SPNS3: variants seen among roughly 807,000 people sequenced by gnomAD.
SPNS3 encodes protein spinster homolog 3.
SPNS3 carries 51 observed loss-of-function variants against 54.4 expected under a neutral mutation model. The observed-to-expected ratio is 0.94, with a 90% CI of 0.75 to 1.18. The LOEUF (loss-of-function observed/expected upper bound fraction) is 1.18. Among genes scored for constraint, SPNS3 ranks in the 50% most tolerant of loss-of-function variants. The probability of loss-of-function intolerance (pLI) is 0.00; values close to 1 mark genes in which losing one functional copy is unlikely to be tolerated. For missense variants in SPNS3, 669 were observed against 677.4 expected (o/e 0.99, Z 0.14); for synonymous variants, 309 against 294.7 (o/e 1.05, Z -0.50).
intron 8 of SPNS3, among the ~76,000 whole-genome samples, chr17:4,477,853 C>G (rs1358477079): frequency 6.6e-6 from 1 of 151,956 alleles, no homozygotes; most frequent in African/African-American, 2.4e-5. Flanking sequence ...CTGGCTGGCA[C>G]ACGGTAGGTG....
At chr17:4,463,613 C>T (rs547238249) in intron 8 of SPNS3, among the ~76,000 whole-genome samples, 31 of 151,630 alleles carry the variant, frequency 2.0e-4, no homozygotes, top group Admixed American at 1.9e-3. Flanking sequence ...GCGGCATGCG[C>T]CTTTAATCCC....
intron 7 of SPNS3, 129 bp from the exon 8 acceptor site, chr17:4,452,887 G>A (rs888809288): frequency 1.2e-6 from 1 of 868,618 alleles, no homozygotes; most frequent in African/African-American, 1.7e-5. Context: ...GGGGCCCACA[G>A]CCATATTCCC....
chr17:4,450,245 C>T (rs1380290542), intron 7 of SPNS3, among the ~76,000 whole-genome samples: 1 of 151,490 alleles, frequency 6.6e-6, no homozygotes, highest in Non-Finnish European at 1.5e-5. Context: ...TTCTCCTTCC[C>T]TCCTCCTCCT....
chr17:4,439,597 C>A, intron 1 of SPNS3, 61 bp from the exon 2 acceptor site: 1 of 1,534,398 alleles, frequency 6.5e-7, no homozygotes. Context: ...CCTGGAGCAG[C>A]TGCCTTTAGA....
intron 1 of SPNS3, among the ~76,000 whole-genome samples, chr17:4,438,652 C>T (rs1008599380): frequency 2.6e-5 from 4 of 152,224 alleles, no homozygotes; most frequent in African/African-American, 7.2e-5. Context: ...AGCCAGGACA[C>T]GTTCGTCTTT....
intron 8 of SPNS3, among the ~76,000 whole-genome samples, chr17:4,458,637 CTTTCTT>C (rs1971408898): frequency 8.2e-6 from 1 of 122,430 alleles, no homozygotes; most frequent in African/African-American, 3.0e-5. Context: ...TTCTTTCTTT[CTTTCTT>C]TCTTTCCTTC....
intron 2 of SPNS3, among the ~76,000 whole-genome samples, chr17:4,443,826 C>A (rs7215742): frequency 0.11 from 16,255 of 152,314 alleles, 1,024 homozygotes; most frequent in African/African-American, 0.18. Context: ...GTGGGCCGGG[C>A]ACAGTGGCCC....
Position 4,486,412 on chromosome 17 carries a change from A to C in SPNS3, c.1279A>C (p.Ile427Leu), listed in dbSNP as rs1227478370. ...CAGACTCATCCCTTCTCCTCCGCAG[A>C]TCTCTAGTGTCCTGCGGGCCAGGCG... ...DAGSPYLTGL[I>L]SSVLRARRPD... is the part of the protein sequence containing the mutation. Residue 427 changes from isoleucine (I) to leucine (L), a missense_variant and splice_region_variant, in exon 11 of 12, where the codon ATC becomes CTC. Transcript: ENST00000355530. This position sits in a 1 kb window ranked among gnomAD's most constrained non-coding sequence, Gnocchi z 5.5. 2 of 1,603,210 alleles carry C rather than the reference A, an allele frequency of 1.2e-6. No homozygotes were observed. The highest frequency in any genetic ancestry group is 1.7e-5 in the Admixed American group (1 of 58,710).
intron 5 of SPNS3, among the ~76,000 whole-genome samples, chr17:4,447,225 A>G (rs1971022100): frequency 6.6e-6 from 1 of 152,160 alleles, no homozygotes; most frequent in African/African-American, 2.4e-5. Context: ...TCAGAGCCTC[A>G]GTTTGCCTGT....
intron 8 of SPNS3, among the ~76,000 whole-genome samples, chr17:4,472,378 G>A (rs1971877640): frequency 6.6e-6 from 1 of 152,178 alleles, no homozygotes; most frequent in South Asian, 2.1e-4. Context: ...GATGCAGTTT[G>A]AGTTGAGCTT....
At chr17:4,434,231 T>A (rs1350878148) in intron 1 of SPNS3, 65 bp downstream of exon 1, 4 of 1,458,016 alleles carry the variant, frequency 2.7e-6, no homozygotes, top group African/African-American at 1.4e-5. Flanking sequence ...GGGCTGCAGA[T>A]CCATGGTGGC....
chr17:4,445,131 C>T lies in SPNS3; in HGVS notation c.365C>T (p.Ser122Leu), dbSNP rs1970949459. Residue 122 changes from serine to leucine, a missense_variant, in exon 3 of 12, where the codon TCA becomes TTA. Physicochemically the swap from Ser to Leu is moderately radical, Grantham distance 145. Transcript: ENST00000355530. The stretch of plus-strand genomic sequence containing the variant: ...ATGAGCTTCGGTATCTTGCTGTGGT[C>T]AGGAGCTGGCCTCTCTAGCTCCTTC... ...ATMSFGILLW[S>L]GAGLSSSFIS... 1 of 1,614,120 alleles carries T rather than the reference C, an allele frequency of 6.2e-7. No individual in the cohort carries two copies. The highest frequency in any genetic ancestry group is 8.5e-7 in the Non-Finnish European group (1 of 1,179,968).
chr17:4,477,970 CTTTTTT>C lies in SPNS3; in HGVS notation c.1114-588_1114-583del, dbSNP rs397837193. 0.051 allele frequency among the ~76,000 whole-genome samples: 5,000 copies of C among 97,666 alleles called. 738 individuals are homozygous for C. The East Asian group carries it at 0.59, about 12-fold the overall frequency. The allele number at this position is 97,666 out of a possible 152,430, so 64.1% of individuals were successfully genotyped here. On this transcript the variant is annotated intron_variant, in intron 8 of 11. Coordinates refer to ENST00000355530, the MANE Select transcript of SPNS3 (RefSeq NM_182538.5). ...AAAGTCTGTTTTTTTTTCACTTTTC[CTTTTTT>C]TTTTTTTTTTTTTGAGGCGGAGTCT...
Position 4,483,172 on chromosome 17 carries a change from G to A in SPNS3, c.1180-3056G>A, listed in dbSNP as rs1364127629. ...CTGGGGGCGAGGCCTGGGTGGGGGT[G>A]CAGGAGGCAGGCTGCCTGGTGGCTG... On this transcript the variant is annotated intron_variant, in intron 9 of 11. Transcript: ENST00000355530. The surrounding 1 kb of genome is among the most constrained non-coding windows in gnomAD (Gnocchi z 4.2). Among the ~76,000 whole-genome samples the A allele has an allele frequency of 6.6e-6, 1 of 152,228 alleles. No individual in the cohort carries two copies. The highest frequency in any genetic ancestry group is 1.5e-5 in the Non-Finnish European group (1 of 68,040).
chr17:4,458,454 C>A (rs1382540117), intron 8 of SPNS3, among the ~76,000 whole-genome samples: 1 of 90,270 alleles, frequency 1.1e-5, no homozygotes, highest in African/African-American at 3.0e-5. Context: ...TCCCTTCTTT[C>A]TTCTTTCTTT....
chr17:4,482,818 G>A (rs1015463410), intron 9 of SPNS3, among the ~76,000 whole-genome samples: 4 of 152,188 alleles, frequency 2.6e-5, no homozygotes, highest in Non-Finnish European at 1.5e-5. Context: ...ATGGCCCAGA[G>A]CCAGCTCACC....
Position 4,434,009 on chromosome 17 carries a change from A to G in SPNS3, c.42A>G (p.Pro14=). The part of the protein sequence containing the change: ...GMSAECPEPG[P]GGLQGQSPGP... ...CAGCGGAGTGCCCTGAGCCTGGGCC[A>G]GGAGGTCTGCAGGGCCAGTCCCCAG... The change falls in exon 1 of 12, where the codon CCA becomes CCG. Residue 14 remains proline, a synonymous_variant. Transcript: ENST00000355530. The G allele has an allele frequency of 6.3e-7, 1 of 1,595,608 alleles. No individual in the cohort carries two copies. Among genetic ancestry groups the G allele is most frequent in the Non-Finnish European group, 8.5e-7 (1 of 1,170,266 alleles).
chr17:4,454,610 C>CTTTTTTT (rs55918406), intron 8 of SPNS3, among the ~76,000 whole-genome samples: 4 of 76,390 alleles, frequency 5.2e-5, no homozygotes, highest in Admixed American at 1.8e-4. Context: ...CCAAATAAAG[C>CTTTTTTT]TTTTTTTTTT....
At chr17:4,472,957 T>C (rs1971898761) in intron 8 of SPNS3, among the ~76,000 whole-genome samples, 1 of 151,432 alleles carries the variant, frequency 6.6e-6, no homozygotes. Context: ...CCTGGCTAAT[T>C]TTAAAATTAT....
Sources: gnomAD v4.1 joint callset for allele counts (sites outside exome capture counted in the v4.1 genomes callset) on GRCh38, gnomAD v4.1.1 for gene constraint, Gnocchi (gnomAD v3.1) non-coding constraint, MANE v1.5 for transcripts, NCBI Gene and HGNC (gene_info 2026-07-23, HGNC 2026-07-21) for gene names.